Variants in PPFIA2 observed in about 807,000 individuals in gnomAD.
The protein encoded by PPFIA2 is liprin-alpha-2.
Under a neutral mutation model 175.5 loss-of-function variants are expected in PPFIA2, and 46 were observed. The ratio of observed to expected loss-of-function variants is 0.26; its 90% CI spans 0.21 to 0.34. The LOEUF (loss-of-function observed/expected upper bound fraction) is 0.34. Ranked by LOEUF, PPFIA2 falls within the 10% of genes least tolerant of loss-of-function variation. PPFIA2 has a pLI of 1.00. For missense variants in PPFIA2, 1,179 were observed against 1,506.1 expected (o/e 0.78, Z 3.60); for synonymous variants, 568 against 511.4 (o/e 1.11, Z -1.49).
At chr12:81,464,034 A>G (rs1270607060) in intron 4 of PPFIA2, among the ~76,000 whole-genome samples, 1 of 151,934 alleles carries the variant, frequency 6.6e-6, no homozygotes, top group South Asian at 2.1e-4. Flanking sequence ...TTACCTTTTT[A>G]CTTATTTTCT....
At chr12:81,302,920 A>G (rs1466939965) in intron 22 of PPFIA2, among the ~76,000 whole-genome samples, 1 of 152,156 alleles carries the variant, frequency 6.6e-6, no homozygotes, top group Non-Finnish European at 1.5e-5. Flanking sequence ...ATACATGATG[A>G]TATGCTAATA....
intron 7 of PPFIA2, among the ~76,000 whole-genome samples, chr12:81,409,937 C>G (rs188137535): frequency 6.6e-6 from 1 of 152,172 alleles, no homozygotes; most frequent in Admixed American, 6.5e-5. Context: ...CCTCCAACCC[C>G]CAACATTTGT....
chr12:81,456,678 T>C (rs574374342), intron 5 of PPFIA2, among the ~76,000 whole-genome samples: 2 of 152,224 alleles, frequency 1.3e-5, no homozygotes, highest in Non-Finnish European at 2.9e-5. Context: ...TTTTTCTACT[T>C]CCTTTTAGTA....
intron 3 of PPFIA2, among the ~76,000 whole-genome samples, chr12:81,713,150 GATAA>G (rs1353386922): frequency 6.6e-6 from 1 of 151,022 alleles, no homozygotes; most frequent in East Asian, 2.0e-4. Context: ...TAGAAAATAT[GATAA>G]ATAATAATAC....
chr12:81,520,612 G>C (rs1367759299), intron 4 of PPFIA2, among the ~76,000 whole-genome samples: 1 of 152,022 alleles, frequency 6.6e-6, no homozygotes, highest in Non-Finnish European at 1.5e-5. Context: ...CTACATGTCA[G>C]GTGCTTTGAC....
At chr12:81,591,473 C>T (rs1020283400) in intron 4 of PPFIA2, among the ~76,000 whole-genome samples, 10 of 152,148 alleles carry the variant, frequency 6.6e-5, no homozygotes, top group Non-Finnish European at 1.2e-4. Flanking sequence ...GAAAATGTCT[C>T]CAGGGCATGT....
intron 3 of PPFIA2, among the ~76,000 whole-genome samples, chr12:81,702,635 C>G (rs2076632819): frequency 1.3e-5 from 2 of 152,168 alleles, no homozygotes; most frequent in Admixed American, 6.5e-5. Flanking sequence ...GCTCTTTGGG[C>G]TTTATTCTTA....
chr12:81,364,766 G>A (rs2032528436), intron 14 of PPFIA2, among the ~76,000 whole-genome samples: 1 of 151,794 alleles, frequency 6.6e-6, no homozygotes, highest in African/African-American at 2.4e-5. Flanking sequence ...GCTATATCGT[G>A]AGAGTAGAAA....
At chr12:81,277,230 G>T in intron 28 of PPFIA2, 87 bp downstream of exon 28, 2 of 1,119,560 alleles carry the variant, frequency 1.8e-6, no homozygotes, top group Non-Finnish European at 2.4e-6. Context: ...ACTGACCATT[G>T]TAACACATAT....
intron 4 of PPFIA2, among the ~76,000 whole-genome samples, chr12:81,517,428 A>G (rs1391103541): frequency 6.6e-6 from 1 of 152,120 alleles, no homozygotes; most frequent in Non-Finnish European, 1.5e-5. Flanking sequence ...TACAGCCTGC[A>G]CCAGTGAAAA....
chr12:81,754,009 G>A lies in PPFIA2; in HGVS notation c.213C>T (p.Asp71=). The A allele has an allele frequency of 6.2e-7, 1 of 1,613,914 alleles. No individual in the cohort carries two copies. Among genetic ancestry groups the A allele is most frequent in the Non-Finnish European group, 8.5e-7 (1 of 1,179,864 alleles). Residue 71 remains aspartate, a synonymous_variant, in exon 3 of 33, where the codon GAC becomes GAT. Coordinates refer to ENST00000549396, the MANE Select transcript of PPFIA2 (RefSeq NM_003625.5). ...QRLQDVIYDR[D]SLQRQLNSAL... ...CTGAATTGAGCTGTCTCTGGAGTGA[G>A]TCTCGGTCATAGATGACATCCTGAA...
intron 26 of PPFIA2, 91 bp from the exon 27 acceptor site, chr12:81,281,541 T>C: frequency 1.2e-6 from 1 of 854,314 alleles, no homozygotes; most frequent in Non-Finnish European, 1.7e-6. Flanking sequence ...TGATATTTAA[T>C]TACTATGATA....
intron 30 of PPFIA2, among the ~76,000 whole-genome samples, chr12:81,264,995 A>C (rs2036772519): frequency 6.6e-6 from 1 of 150,690 alleles, no homozygotes; most frequent in Admixed American, 6.6e-5. Context: ...TAGGGGCTTA[A>C]AAATAAGCCA....
At chr12:81,286,288 G>GT (rs1271458389) in intron 24 of PPFIA2, among the ~76,000 whole-genome samples, 2 of 151,928 alleles carry the variant, frequency 1.3e-5, no homozygotes, top group African/African-American at 2.4e-5. Flanking sequence ...AAATAAAAAG[G>GT]TTTTTTTATG....
intron 3 of PPFIA2, among the ~76,000 whole-genome samples, chr12:81,702,475 T>C (rs897996513): frequency 2.0e-5 from 3 of 152,138 alleles, no homozygotes; most frequent in Non-Finnish European, 4.4e-5. Flanking sequence ...ATCCACTTCA[T>C]TAAATGTCAG....
chr12:81,403,261 G>C (rs570189677), intron 8 of PPFIA2, among the ~76,000 whole-genome samples: 3 of 152,160 alleles, frequency 2.0e-5, no homozygotes, highest in Non-Finnish European at 4.4e-5. Flanking sequence ...AAAAGTTAAA[G>C]ACAATTGCTT....
chr12:81,319,814 G>A (rs2053257424), intron 22 of PPFIA2, among the ~76,000 whole-genome samples: 1 of 151,888 alleles, frequency 6.6e-6, no homozygotes, highest in Non-Finnish European at 1.5e-5. Context: ...TGTAATCTGT[G>A]AGATATCCTG....
chr12:81,704,921 T>G lies in PPFIA2; in HGVS notation c.250-28077A>C, dbSNP rs535439453. Among the ~76,000 whole-genome samples, 65 of 150,938 alleles carry G rather than the reference T, an allele frequency of 4.3e-4. No homozygotes were observed. The South Asian group carries it at 0.013, about 31-fold the overall frequency. ...CAACATGGTGAAATCCTGTCTCTAC[T>G]AAAAATACAAAAATTAGCTGGGCAT... On this transcript the variant is annotated intron_variant, in intron 3 of 32. Transcript: ENST00000549396.
chr12:81,385,557 C>T (rs1209230721), intron 8 of PPFIA2, among the ~76,000 whole-genome samples: 1 of 152,124 alleles, frequency 6.6e-6, no homozygotes, highest in Non-Finnish European at 1.5e-5. Flanking sequence ...TCATTTGTGA[C>T]AACATGGATG....
Sources: allele counts gnomAD v4.1 joint callset (sites outside exome capture counted in the v4.1 genomes callset), GRCh38; gene constraint gnomAD v4.1.1; transcripts MANE v1.5; gene names NCBI Gene and HGNC (gene_info 2026-07-23, HGNC 2026-07-21).